Variants in MORC4 observed in about 807,000 individuals in gnomAD.
MORC4 encodes MORC family CW-type zinc finger 4, also known as MORC family CW-type zinc finger protein 4.
Under a neutral mutation model 65.5 loss-of-function variants are expected in MORC4, and 22 were observed. The observed-to-expected ratio is 0.34, with a 90% CI of 0.24 to 0.48. MORC4 has a LOEUF of 0.48. Ranked by LOEUF, MORC4 falls within the 20% of genes least tolerant of loss-of-function variation. The pLI is 0.99. For missense variants in MORC4, 624 were observed against 703.0 expected, an observed-to-expected ratio of 0.89 and a Z score of 1.27; for synonymous variants, 267 against 255.8, an observed-to-expected ratio of 1.04 and a Z score of -0.42.
At chrX:106,975,716 C>G (rs1445643292) in intron 9 of MORC4, among the ~76,000 whole-genome samples, 1 of 110,493 alleles carries the variant, frequency 9.1e-6, no homozygotes, top group African/African-American at 3.3e-5. Flanking sequence ...CTTACAGATA[C>G]TTCCCTCTGC....
At chrX:106,988,046 A>G (rs1934907779) in intron 3 of MORC4, among the ~76,000 whole-genome samples, 2 of 111,880 alleles carry the variant, frequency 1.8e-5, no homozygotes, top group African/African-American at 3.2e-5. Context: ...TACATTAAGT[A>G]TAAAGTAGTA....
chrX:106,953,026 T>A lies in MORC4; in HGVS notation c.1685+1887A>T, dbSNP rs189122335. The stretch of plus-strand genomic sequence containing the variant: ...AACAGCAACTATCACATACCTCTTA[T>A]GTTTCTCTTTCTCTTGAAATAATTT... On this transcript the variant is annotated intron_variant, in intron 14 of 16. Coordinates refer to ENST00000355610, the MANE Select transcript of MORC4 (RefSeq NM_024657.5). Among the ~76,000 whole-genome samples the A allele has an allele frequency of 4.5e-5, 5 of 112,048 alleles. No individual in the cohort carries two copies. In the East Asian group the frequency reaches 1.4e-3, roughly 31 times the overall value.
At chrX:106,959,719 T>C (rs1325235719) in intron 10 of MORC4, among the ~76,000 whole-genome samples, 4 of 111,036 alleles carry the variant, frequency 3.6e-5, no homozygotes, top group African/African-American at 1.3e-4. Flanking sequence ...TTTGTACTTT[T>C]GGTAGAGATG....
intron 14 of MORC4, among the ~76,000 whole-genome samples, chrX:106,953,549 C>A (rs1381257045): frequency 1.8e-5 from 2 of 111,799 alleles, no homozygotes; most frequent in Non-Finnish European, 3.8e-5. Context: ...ATTTCTTATC[C>A]CGTTGCTACA....
At position 106,978,228 on chromosome X, in the gene MORC4, C is replaced by T. The variant is rs781224629; in HGVS notation, c.937-29G>A. 89 of 1,181,432 alleles carry T rather than the reference C, an allele frequency of 7.5e-5. No homozygotes were observed. In the South Asian group the frequency reaches 1.6e-3, roughly 21 times the overall value. ...AGAAGAACATCGTTAAGGAGACAAA[C>T]ATACCAGGGGCTTCAACGACAAAAT... is the stretch of plus-strand genomic sequence containing the variant. On this transcript the variant is annotated intron_variant, in intron 7 of 16. Transcript: ENST00000355610.
chrX:106,958,280 C>T, intron 11 of MORC4, 56 bp downstream of exon 11: 1 of 1,104,667 alleles, frequency 9.1e-7, no homozygotes, highest in Non-Finnish European at 1.2e-6. Context: ...ATGTTTTAGA[C>T]TATAGAGATA....
At chrX:106,978,268 T>C in intron 7 of MORC4, 69 bp from the exon 8 acceptor site, 2 of 1,068,119 alleles carry the variant, frequency 1.9e-6, no homozygotes, top group Non-Finnish European at 2.5e-6. Flanking sequence ...CACCATATTA[T>C]AGCAAAAACC....
intron 13 of MORC4, among the ~76,000 whole-genome samples, chrX:106,955,518 TACACACAC>T (rs10610713): frequency 9.6e-6 from 1 of 103,893 alleles, no homozygotes; most frequent in Non-Finnish European, 2.0e-5. Context: ...ATATTCATAG[TACACACAC>T]ACACACACAC....
intron 5 of MORC4, among the ~76,000 whole-genome samples, chrX:106,983,152 A>C (rs1222739727): frequency 8.9e-6 from 1 of 112,109 alleles, no homozygotes; most frequent in African/African-American, 3.2e-5. Flanking sequence ...CCGATTTTAG[A>C]TTTTTGGATT....
chrX:106,955,790 A>C (rs1311277748), intron 13 of MORC4, among the ~76,000 whole-genome samples: 1 of 111,241 alleles, frequency 9.0e-6, no homozygotes, highest in Non-Finnish European at 1.9e-5. Context: ...AGTCTGACCT[A>C]CCCTGATTGA....
At chrX:106,998,107 AT>A (rs1249776722) in intron 2 of MORC4, among the ~76,000 whole-genome samples, 3 of 112,415 alleles carry the variant, frequency 2.7e-5, no homozygotes, top group Non-Finnish European at 5.6e-5. Flanking sequence ...CAAATGAATG[AT>A]TCACTAGAAA....
intron 14 of MORC4, among the ~76,000 whole-genome samples, chrX:106,950,646 G>T (rs1446343071): frequency 1.8e-5 from 2 of 112,121 alleles, no homozygotes; most frequent in Non-Finnish European, 3.8e-5. Context: ...TGAGGGCTTT[G>T]TTGGGGAAGA....
At chrX:106,951,995 C>CAAAAAA (rs56864570) in intron 14 of MORC4, among the ~76,000 whole-genome samples, 6 of 31,667 alleles carry the variant, frequency 1.9e-4, no homozygotes, top group East Asian at 9.0e-4. Flanking sequence ...GACTCTGCCG[C>CAAAAAA]AAAAAAAAAA....
Position 106,981,468 on chromosome X carries a change from A to G in MORC4, c.684T>C (p.Asn228=), listed in dbSNP as rs1934740346. The change falls in exon 6 of 17, where the codon AAT becomes AAC. Residue 228 remains asparagine, a synonymous_variant. Transcript: ENST00000355610. ...TATCAAAGTCCAACTCAGATTTTCC[A>G]TTTTTATTTCTGGGGAAAAGAGACA... ...VLIWNIRRNK[N]GKSELDFDTD... The G allele has an allele frequency of 8.4e-7, 1 of 1,190,116 alleles. No individual in the cohort carries two copies. Among genetic ancestry groups the G allele is most frequent in the African/African-American group, 1.8e-5 (1 of 56,121 alleles).
intron 2 of MORC4, 63 bp downstream of exon 2, chrX:106,999,614 C>T: frequency 9.5e-7 from 1 of 1,055,763 alleles, no homozygotes; most frequent in South Asian, 2.1e-5. Context: ...CTCTCGCGTC[C>T]GCGGCACCAC....
At chrX:106,979,415 C>T (rs1319241728) in intron 7 of MORC4, among the ~76,000 whole-genome samples, 1 of 111,430 alleles carries the variant, frequency 9.0e-6, no homozygotes, top group Non-Finnish European at 1.9e-5. Flanking sequence ...TCAAATTTTT[C>T]TTTCTGTTGT....
intron 14 of MORC4, among the ~76,000 whole-genome samples, chrX:106,950,775 T>C (rs906477122): frequency 9.0e-6 from 1 of 111,593 alleles, no homozygotes; most frequent in Non-Finnish European, 1.9e-5. Context: ...GGTAAAACCA[T>C]AGCTCTAGAC....
intron 9 of MORC4, among the ~76,000 whole-genome samples, chrX:106,965,555 T>C (rs1050155892): frequency 2.7e-5 from 3 of 112,097 alleles, no homozygotes; most frequent in Admixed American, 1.9e-4. Flanking sequence ...TGAAAAAGAA[T>C]GTAGCGGATG....
At chrX:106,958,258 C>G (rs1283854126) in intron 11 of MORC4, 78 bp downstream of exon 11, 1 of 993,744 alleles carries the variant, frequency 1.0e-6, no homozygotes, top group Non-Finnish European at 1.4e-6. Context: ...GGGTGTGAAC[C>G]TGAGATGAAA....
Sources: gnomAD v4.1 joint callset for allele counts (sites outside exome capture counted in the v4.1 genomes callset) on GRCh38, gnomAD v4.1.1 for gene constraint, MANE v1.5 for transcripts, NCBI Gene and HGNC (gene_info 2026-07-23, HGNC 2026-07-21) for gene names.